The following SEM1 variants were observed in gnomAD, a reference collection of about 807,000 sequenced individuals.
SEM1 encodes the protein 26S proteasome complex subunit SEM1.
A neutral mutation model predicts 12.7 loss-of-function variants in SEM1; 3 were observed. The ratio of observed to expected loss-of-function variants is 0.24; its 90% CI spans 0.11 to 0.61. The LOEUF (loss-of-function observed/expected upper bound fraction) is 0.61, where lower values mean the gene tolerates loss of function less well. SEM1 is among the 20% of genes least tolerant of loss of function. The probability of loss-of-function intolerance (pLI) is 0.88; values close to 1 mark genes in which losing one functional copy is unlikely to be tolerated. For synonymous variants in SEM1, 30 were observed against 27.8 expected (o/e 1.08, Z -0.25); for missense variants, 59 against 81.3 (o/e 0.73, Z 1.06).
intron 1 of SEM1, among the ~76,000 whole-genome samples, chr7:96,707,595 T>G (rs1790506917): frequency 6.6e-6 from 1 of 152,196 alleles, no homozygotes; most frequent in African/African-American, 2.4e-5. Flanking sequence ...AATAAACAAG[T>G]CTGTTGTGAG....
At chr7:96,607,484 A>G (rs1372183993) in intron 2 of SEM1, among the ~76,000 whole-genome samples, 1 of 152,240 alleles carries the variant, frequency 6.6e-6, no homozygotes, top group African/African-American at 2.4e-5. Context: ...TGGTAAAATT[A>G]TCTCATTTAA....
At chr7:96,562,960 A>T (rs1805734431) in intron 2 of SEM1, among the ~76,000 whole-genome samples, 1 of 152,196 alleles carries the variant, frequency 6.6e-6, no homozygotes, top group African/African-American at 2.4e-5. Flanking sequence ...TATCCCAAGT[A>T]TGAAGGAAAG....
chr7:96,654,303 A>C (rs1268515036), intron 2 of SEM1, among the ~76,000 whole-genome samples: 3 of 152,130 alleles, frequency 2.0e-5, no homozygotes, highest in Admixed American at 2.0e-4. Flanking sequence ...AGGGCTGTGG[A>C]GTTGTGAAGC....
chr7:96,615,957 T>C (rs1410812452), intron 2 of SEM1, among the ~76,000 whole-genome samples: 1 of 152,218 alleles, frequency 6.6e-6, no homozygotes. Flanking sequence ...TGATGGACAC[T>C]TAGGTTGATT....
intron 2 of SEM1, among the ~76,000 whole-genome samples, chr7:96,517,823 T>A (rs1489763988): frequency 6.6e-6 from 1 of 152,182 alleles, no homozygotes; most frequent in African/African-American, 2.4e-5. Flanking sequence ...ATAAGACTAC[T>A]GTTTTTCAGT....
intron 1 of SEM1, among the ~76,000 whole-genome samples, chr7:96,493,665 C>T (rs1251023314): frequency 1.3e-5 from 2 of 152,060 alleles, no homozygotes; most frequent in Non-Finnish European, 2.9e-5. Context: ...ATGTCACTCC[C>T]CACTCAAGAA....
chr7:96,533,581 G>T (rs1264935806), intron 2 of SEM1, among the ~76,000 whole-genome samples: 1 of 152,002 alleles, frequency 6.6e-6, no homozygotes, highest in African/African-American at 2.4e-5. Context: ...AGCTTGTGAA[G>T]GTAGCAGAAA....
chr7:96,556,318 G>C (rs1421956272), intron 2 of SEM1, among the ~76,000 whole-genome samples: 1 of 151,944 alleles, frequency 6.6e-6, no homozygotes, highest in Non-Finnish European at 1.5e-5. Context: ...TGATTTTGCA[G>C]CGGCTGGTAC....
chr7:96,500,691 T>G (rs1467514527), upstream of SEM1, among the ~76,000 whole-genome samples: 1 of 152,184 alleles, frequency 6.6e-6, no homozygotes, highest in African/African-American at 2.4e-5. Flanking sequence ...TTATCTGTGC[T>G]TCCTTATACT....
At position 96,608,727 on chromosome 7, in the gene SEM1, A is replaced by G. The variant is rs528076821; in HGVS notation, c.170+86071T>C. On this transcript the variant is annotated intron_variant and NMD_transcript_variant, in intron 2 of 3. Transcript: ENST00000466986. The stretch of plus-strand genomic sequence containing the variant: ...ACTTAGCTTAATGTTTACAAGGTTC[A>G]TCCATGCTGTAGCATGTACAATACT... Among the ~76,000 whole-genome samples, 3 of 152,374 alleles carry G rather than the reference A, an allele frequency of 2.0e-5. No homozygotes were observed. In the South Asian group the frequency reaches 6.2e-4, roughly 32 times the overall value.
chr7:96,509,539 C>A (rs953464685), intron 2 of SEM1, among the ~76,000 whole-genome samples: 3 of 152,052 alleles, frequency 2.0e-5, no homozygotes, highest in Non-Finnish European at 4.4e-5. Flanking sequence ...AATGCATTGA[C>A]CTCATGTTCA....
intron 1 of SEM1, among the ~76,000 whole-genome samples, chr7:96,703,719 G>A (rs1034259912): frequency 6.6e-6 from 1 of 151,854 alleles, no homozygotes; most frequent in Admixed American, 6.6e-5. Flanking sequence ...AAGACTGATG[G>A]GAAGACTGCT....
chr7:96,602,302 C>A (rs17410662), intron 2 of SEM1, among the ~76,000 whole-genome samples: 19,015 of 152,092 alleles, frequency 0.13, 1,244 homozygotes, highest in Non-Finnish European at 0.14. Context: ...GTCAGAATAT[C>A]CAGATTTCTT....
chr7:96,679,929 C>G (rs541466736), intron 2 of SEM1, among the ~76,000 whole-genome samples: 1 of 152,124 alleles, frequency 6.6e-6, no homozygotes, highest in East Asian at 1.9e-4. Flanking sequence ...TTTACCACTT[C>G]CACGCAGGAA....
upstream of SEM1, among the ~76,000 whole-genome samples, chr7:96,498,365 G>A (rs1803374895): frequency 1.2e-5 from 1 of 80,028 alleles, no homozygotes; most frequent in Admixed American, 1.3e-4. Flanking sequence ...GTGTGTGCAT[G>A]TGCACGTGTG....
intron 2 of SEM1, among the ~76,000 whole-genome samples, chr7:96,625,182 G>A (rs543777800): frequency 6.6e-6 from 1 of 152,112 alleles, no homozygotes; most frequent in Admixed American, 6.5e-5. Context: ...GAGTACTGTG[G>A]CTACTGCCTC....
At chr7:96,559,502 T>C (rs535772972) in intron 2 of SEM1, among the ~76,000 whole-genome samples, 1 of 152,258 alleles carries the variant, frequency 6.6e-6, no homozygotes, top group South Asian at 2.1e-4. Context: ...AGGCTGGTCT[T>C]GAAATCCAGA....
At chr7:96,657,315 T>A (rs1186618957) in intron 2 of SEM1, among the ~76,000 whole-genome samples, 2 of 152,312 alleles carry the variant, frequency 1.3e-5, no homozygotes, top group African/African-American at 4.8e-5. Flanking sequence ...CAGATGCATG[T>A]TTAAGGATAA....
At chr7:96,701,275 C>G (rs1454744132) in intron 1 of SEM1, among the ~76,000 whole-genome samples, 1 of 151,576 alleles carries the variant, frequency 6.6e-6, no homozygotes, top group African/African-American at 2.4e-5. Flanking sequence ...TATGTTGAAG[C>G]CCTCATCCTC....
Sources: allele counts gnomAD v4.1 joint callset (sites outside exome capture counted in the v4.1 genomes callset), GRCh38; gene constraint gnomAD v4.1.1; transcripts MANE v1.5; gene names NCBI Gene and HGNC (gene_info 2026-07-23, HGNC 2026-07-21).